The following CAT variants were observed in gnomAD, a reference collection of about 807,000 sequenced individuals.
The protein encoded by CAT is catalase, also known as epididymis secretory sperm binding protein.
Under a neutral mutation model 59.0 loss-of-function variants are expected in CAT, and 43 were observed. The ratio of observed to expected loss-of-function variants is 0.73; its 90% CI spans 0.57 to 0.94. The LOEUF (loss-of-function observed/expected upper bound fraction) is 0.94, where lower values mean the gene tolerates loss of function less well. Among genes scored for constraint, CAT ranks in the 40% least tolerant of loss-of-function variants. The pLI, the probability that CAT is intolerant of heterozygous loss-of-function variation, is 0.00. For missense variants in CAT, 664 were observed against 682.9 expected (o/e 0.97, Z 0.31); for synonymous variants, 218 against 230.9 (o/e 0.94, Z 0.51).
At position 34,471,595 on chromosome 11, in the gene CAT, T is replaced by C; in HGVS notation, c.*162T>C. Reference sequence around the variant, plus strand: ...GCAGATTGTGTAACAATTTTAATGCTATTTCCCCAGGGGAAAATGAAGGTT... The same window carrying C: ...GCAGATTGTGTAACAATTTTAATGCCATTTCCCCAGGGGAAAATGAAGGTT... On this transcript the variant is annotated 3_prime_UTR_variant, in exon 13 of 13. Transcript: ENST00000241052. 1 of 676,780 alleles carries C rather than the reference T, an allele frequency of 1.5e-6. No individual in the cohort carries two copies. Among genetic ancestry groups the C allele is most frequent in the Admixed American group, 2.3e-5 (1 of 44,420 alleles). 41.9% of individuals were successfully genotyped at this position (676,780 alleles called of 1,614,324 possible).
intron 2 of CAT, among the ~76,000 whole-genome samples, chr11:34,450,389 G>A (rs920427827): frequency 1.9e-4 from 29 of 152,152 alleles, no homozygotes; most frequent in African/African-American, 6.5e-4. Context: ...AAAGATGGGG[G>A]TGGTATTTGA....
chr11:34,456,651 G>A lies in CAT; in HGVS notation c.904-14G>A, dbSNP rs1193964103. 2 of 1,613,222 alleles carry A rather than the reference G, an allele frequency of 1.2e-6. No individual in the cohort carries two copies. The highest frequency in any genetic ancestry group is 1.7e-6 in the Non-Finnish European group (2 of 1,179,278). Reference sequence around the variant, plus strand: ...TTGATTGCCTGGTAATTGTGAATATGACATCATTTTCAGGTTTGGCCTCAC... The same window carrying A: ...TTGATTGCCTGGTAATTGTGAATATAACATCATTTTCAGGTTTGGCCTCAC... On this transcript the variant is annotated splice_polypyrimidine_tract_variant and intron_variant, in intron 7 of 12. Transcript: ENST00000241052.
intron 8 of CAT, among the ~76,000 whole-genome samples, chr11:34,459,658 G>A (rs1320536508): frequency 6.6e-6 from 1 of 152,210 alleles, no homozygotes; most frequent in Admixed American, 6.5e-5. Context: ...ATTCAAGCTG[G>A]TGTCAGGGTA....
chr11:34,446,685 TC>T (rs888425185), intron 1 of CAT, among the ~76,000 whole-genome samples: 1 of 152,122 alleles, frequency 6.6e-6, no homozygotes, highest in Non-Finnish European at 1.5e-5. Flanking sequence ...TGTTTAGCGT[TC>T]CTTTTACTGA....
At chr11:34,442,959 C>T (rs1200887880) in intron 1 of CAT, among the ~76,000 whole-genome samples, 1 of 152,158 alleles carries the variant, frequency 6.6e-6, no homozygotes, top group African/African-American at 2.4e-5. Flanking sequence ...GAAAATCTGT[C>T]CAGCCATTTT....
chr11:34,450,852 C>G, intron 2 of CAT, 136 bp from the exon 3 acceptor site: 2 of 766,734 alleles, frequency 2.6e-6, no homozygotes, highest in East Asian at 4.9e-5. Flanking sequence ...GGGCATTTCC[C>G]CTTCCTCCAA....
At position 34,456,118 on chromosome 11, in the gene CAT, G is replaced by A; in HGVS notation, c.819G>A (p.Lys273=). ...TTTTTAACGCCATTGCCACAGGAAAGTACCCCTCCTGGACTTTTTACATCC... is the reference window on the plus strand; with the variant it reads ...TTTTTAACGCCATTGCCACAGGAAAATACCCCTCCTGGACTTTTTACATCC... ...RDLFNAIATG[K]YPSWTFYIQV... Residue 273 remains lysine, a synonymous_variant, in exon 7 of 13, where the codon AAG becomes AAA. Coordinates refer to ENST00000241052, the MANE Select transcript of CAT (RefSeq NM_001752.4). The A allele has an allele frequency of 6.2e-7, 1 of 1,614,092 alleles. No homozygotes were observed. Among genetic ancestry groups the A allele is most frequent in the South Asian group, 1.1e-5 (1 of 91,066 alleles).
chr11:34,466,780 CAAAA>C (rs71457350), intron 10 of CAT, among the ~76,000 whole-genome samples: 189 of 41,122 alleles, frequency 4.6e-3, no homozygotes, highest in African/African-American at 0.013. Context: ...GACTCCGTCT[CAAAA>C]AAAAAAAAAA....
Position 34,449,224 on chromosome 11 carries a change from C to A in CAT, c.99C>A (p.Asn33Lys). 1.2e-6 allele frequency: 2 copies of A among 1,614,150 alleles called. No individual in the cohort carries two copies. The highest frequency in any genetic ancestry group is 1.7e-6 in the Non-Finnish European group (2 of 1,179,964). Residue 33 changes from asparagine to lysine, a missense_variant, in exon 2 of 13, where the codon AAC becomes AAA. Physicochemically the swap from Asn to Lys is moderately conservative, Grantham distance 94. Coordinates refer to ENST00000241052, the MANE Select transcript of CAT (RefSeq NM_001752.4). ...KADVLTTGAG[N>K]PVGDKLNVIT... The stretch of plus-strand genomic sequence containing the variant: ...ATGTCCTGACCACTGGAGCTGGTAA[C>A]CCAGTAGGAGACAAACTTAATGTTA...
chr11:34,443,063 T>C (rs988538718), intron 1 of CAT, among the ~76,000 whole-genome samples: 1 of 152,246 alleles, frequency 6.6e-6, no homozygotes, highest in African/African-American at 2.4e-5. Flanking sequence ...TAGAAAATTA[T>C]GACAGTAACA....
At position 34,456,085 on chromosome 11, in the gene CAT, C is replaced by T; in HGVS notation, c.786C>T (p.Ile262=). Residue 262 remains isoleucine (I), a synonymous_variant, in exon 7 of 13, where the codon ATC becomes ATT. Coordinates refer to ENST00000241052, the MANE Select transcript of CAT (RefSeq NM_001752.4). ...CCCAGGAAGATCCTGACTATGGCAT[C>T]CGGGATCTTTTTAACGCCATTGCCA... is the stretch of plus-strand genomic sequence containing the variant. ...RLSQEDPDYG[I]RDLFNAIATG... The T allele has an allele frequency of 1.2e-6, 2 of 1,614,010 alleles. No individual in the cohort carries two copies. Among genetic ancestry groups the T allele is most frequent in the East Asian group, 4.5e-5 (2 of 44,864 alleles).
chr11:34,439,551 TCA>T (rs1163387281), intron 1 of CAT, among the ~76,000 whole-genome samples: 2 of 152,174 alleles, frequency 1.3e-5, no homozygotes, highest in Non-Finnish European at 2.9e-5. Flanking sequence ...CCAGCACCAG[TCA>T]CAGTGACTGG....
In CAT at chr11:34,471,511, TG is replaced by T; in HGVS notation, c.*79del. ...GCTCATCACTGGATGAAGATTCTCCTGTGCTAGATGTGCAAATGCAAGCTAG... is the reference window on the plus strand; with the variant it reads ...GCTCATCACTGGATGAAGATTCTCCTTGCTAGATGTGCAAATGCAAGCTAG... On this transcript the variant is annotated 3_prime_UTR_variant, in exon 13 of 13. Coordinates refer to ENST00000241052, the MANE Select transcript of CAT (RefSeq NM_001752.4). 8.4e-7 allele frequency: 1 copy of T among 1,194,944 alleles called. No homozygotes were observed. The highest frequency in any genetic ancestry group is 1.2e-5 in the South Asian group (1 of 82,838). The allele number at this position is 1,194,944 out of a possible 1,614,324, so 74.0% of individuals were successfully genotyped here. A position where few individuals can be genotyped will look rare whatever the true frequency, so the allele number is the denominator to read the frequency against.
At position 34,468,382 on chromosome 11, in the gene CAT, T is replaced by C; in HGVS notation, c.1421T>C (p.Ile474Thr). The change falls in exon 11 of 13, where the codon ATC (isoleucine) becomes ACC (threonine). Residue 474 changes from isoleucine to threonine, a missense_variant. By Grantham distance (89) the Ile-to-Thr change is moderately conservative. Transcript: ENST00000241052. ...CACCTGAAGGATGCACAAATTTTCA[T>C]CCAGAAGAAAGCGGTGAGTCTTTGT... ...AGHLKDAQIF[I>T]QKKAVKNFTE... is the part of the protein sequence containing the mutation. The C allele has an allele frequency of 6.8e-6, 11 of 1,613,442 alleles. No individual in the cohort carries two copies. The highest frequency in any genetic ancestry group is 9.3e-6 in the Non-Finnish European group (11 of 1,179,398).
chr11:34,466,760 G>A (rs1285129412), intron 10 of CAT, among the ~76,000 whole-genome samples: 4 of 115,704 alleles, frequency 3.5e-5, no homozygotes, highest in Admixed American at 1.3e-4. Context: ...CAGCCTGGGC[G>A]ACAGAGCGAG....
At chr11:34,440,977 G>A (rs368525344) in intron 1 of CAT, among the ~76,000 whole-genome samples, 1 of 152,140 alleles carries the variant, frequency 6.6e-6, no homozygotes, top group African/African-American at 2.4e-5. Context: ...AGAAATGGCT[G>A]ACTCCAAAAC....
chr11:34,461,806 A>G (rs1329623094), intron 9 of CAT, among the ~76,000 whole-genome samples: 3 of 152,154 alleles, frequency 2.0e-5, no homozygotes, highest in East Asian at 3.8e-4. Flanking sequence ...CAAGAGTTGG[A>G]GTCTTCTGTT....
chr11:34,439,057 G>A lies in CAT; in HGVS notation c.44G>A (p.Trp15Ter), dbSNP rs2133174185. The A allele has an allele frequency of 1.3e-6, 2 of 1,597,684 alleles. No homozygotes were observed. Among genetic ancestry groups the A allele is most frequent in the Non-Finnish European group, 1.7e-6 (2 of 1,172,250 alleles). Residue 15 changes from tryptophan to a stop codon, truncating the protein, a stop_gained, in exon 1 of 13, where the codon TGG becomes TAG. Coordinates refer to ENST00000241052, the MANE Select transcript of CAT (RefSeq NM_001752.4). LOFTEE classifies it high-confidence loss of function. ...RDPASDQMQH[W>*]KEQRAAQKAD... ...CCCGCCAGCGACCAGATGCAGCACT[G>A]GAAGGAGCAGCGGGCCGCGCAGGTA...
chr11:34,454,024 T>A, intron 6 of CAT, 98 bp downstream of exon 6: 1 of 1,283,720 alleles, frequency 7.8e-7, no homozygotes. Context: ...TCTCCCACTT[T>A]TCCCTCACCT....
Sources: gnomAD v4.1 joint callset for allele counts (sites outside exome capture counted in the v4.1 genomes callset) on GRCh38, gnomAD v4.1.1 for gene constraint, MANE v1.5 for transcripts, NCBI Gene and HGNC (gene_info 2026-07-23, HGNC 2026-07-21) for gene names.